The following ARHGAP12 variants were observed in gnomAD, a reference collection of about 807,000 sequenced individuals.
ARHGAP12 encodes the protein Rho GTPase activating protein 12, also known as rho GTPase-activating protein 12.
A neutral mutation model predicts 108.6 loss-of-function variants in ARHGAP12; 64 were observed. The observed-to-expected ratio is 0.59, with a 90% confidence interval of 0.48 to 0.73. The LOEUF (loss-of-function observed/expected upper bound fraction) is 0.73. Among genes scored for constraint, ARHGAP12 ranks in the 30% least tolerant of loss-of-function variants. The pLI is 0.00. For missense variants in ARHGAP12, 940 were observed against 1,005.9 expected (o/e 0.93, Z 0.89); for synonymous variants, 312 against 337.2 (o/e 0.93, Z 0.82).
intron 13 of ARHGAP12, among the ~76,000 whole-genome samples, chr10:31,817,557 T>C (rs1162236721): frequency 6.6e-6 from 1 of 152,218 alleles, no homozygotes; most frequent in Non-Finnish European, 1.5e-5. Context: ...CAATGCCTGA[T>C]GTGAACATTA....
At chr10:31,833,931 A>T (rs1352526181) in intron 9 of ARHGAP12, among the ~76,000 whole-genome samples, 1 of 152,218 alleles carries the variant, frequency 6.6e-6, no homozygotes, top group Non-Finnish European at 1.5e-5. Flanking sequence ...GCACTAAGAA[A>T]GGGTAGCATG....
chr10:31,867,121 T>TC lies in ARHGAP12; in HGVS notation c.685-5464_685-5463insG, dbSNP rs1423128925. On this transcript the variant is annotated intron_variant, in intron 3 of 19. Transcript: ENST00000344936. ...AGAACCTTGTTTTCTTTTTTTTGTT[T>TC]TTTTTTTTTTTGAGACGGAGTCTTG... is the stretch of plus-strand genomic sequence containing the variant. Among the ~76,000 whole-genome samples the TC allele has an allele frequency of 2.0e-5, 3 of 151,050 alleles. 1 individual carries two copies.
intron 4 of ARHGAP12, among the ~76,000 whole-genome samples, chr10:31,857,239 T>A (rs1836922333): frequency 1.3e-5 from 2 of 152,246 alleles, no homozygotes; most frequent in Non-Finnish European, 2.9e-5. Context: ...GCATATAATG[T>A]TCACTTTACT....
Position 31,861,481 on chromosome 10 carries a change from T to A in ARHGAP12, c.862A>T (p.Thr288Ser). 1 of 1,614,178 alleles carries A rather than the reference T, an allele frequency of 6.2e-7. No individual in the cohort carries two copies. Among genetic ancestry groups the A allele is most frequent in the South Asian group, 1.1e-5 (1 of 91,076 alleles). The change falls in exon 4 of 20, where the codon ACA becomes TCA. Residue 288 changes from threonine to serine, a missense_variant. By Grantham distance (58) the Thr-to-Ser change is moderately conservative. Transcript: ENST00000344936. ...GGAGGTTTCCAAGTTCTTTCCTGTG[T>A]CCCTCTGTTATAGTAATAGCAACGC... ...SGRCYYYNRG[T>S]QERTWKPPRW... is the part of the protein sequence containing the mutation.
In ARHGAP12 at chr10:31,806,251, G is replaced by A. The variant is rs972786996; in HGVS notation, c.*1407C>T. 1 of 152,236 alleles carries A rather than the reference G, an allele frequency of 6.6e-6. No individual in the cohort carries two copies. The highest frequency in any genetic ancestry group is 6.5e-5 in the Admixed American group (1 of 15,268). The allele number at this position is 152,236 out of a possible 1,614,324, so 9.4% of individuals were successfully genotyped here. On this transcript the variant is annotated 3_prime_UTR_variant, in exon 20 of 20. Coordinates refer to ENST00000344936, the MANE Select transcript of ARHGAP12 (RefSeq NM_018287.7). ...AAAAATGAGGTATAACAGTATGCCA[G>A]TAAATGAAAAAACAAAAAAATTAGA...
chr10:31,916,412 G>A (rs1021446423), intron 1 of ARHGAP12, among the ~76,000 whole-genome samples: 6 of 151,536 alleles, frequency 4.0e-5, no homozygotes, highest in Non-Finnish European at 5.9e-5. Context: ...TTCCTATCAC[G>A]CTATTTTTTA....
intron 3 of ARHGAP12, among the ~76,000 whole-genome samples, chr10:31,902,329 CAAAA>C (rs1337648963): frequency 5.1e-5 from 5 of 97,480 alleles, no homozygotes. Context: ...TATCCATAGG[CAAAA>C]AAAAAAAAAA....
At chr10:31,928,059 G>A (rs1840124572) in intron 1 of ARHGAP12, among the ~76,000 whole-genome samples, 1 of 152,212 alleles carries the variant, frequency 6.6e-6, no homozygotes, top group Non-Finnish European at 1.5e-5. Flanking sequence ...CAGTCCTCGA[G>A]GGACGCCCCA....
intron 10 of ARHGAP12, among the ~76,000 whole-genome samples, chr10:31,827,212 C>T (rs1377456896): frequency 6.6e-6 from 1 of 152,306 alleles, no homozygotes; most frequent in Non-Finnish European, 1.5e-5. Flanking sequence ...TTCCCCTCAA[C>T]TTCTCCCTTA....
intron 7 of ARHGAP12, among the ~76,000 whole-genome samples, chr10:31,840,909 A>C (rs1369233857): frequency 6.6e-6 from 1 of 152,058 alleles, no homozygotes; most frequent in Non-Finnish European, 1.5e-5. Flanking sequence ...AATTTAACTT[A>C]AGATCCAAAT....
At chr10:31,891,578 G>A (rs80315811) in intron 3 of ARHGAP12, among the ~76,000 whole-genome samples, 1 of 151,060 alleles carries the variant, frequency 6.6e-6, no homozygotes, top group African/African-American at 2.4e-5. Flanking sequence ...CTCTTCTCGA[G>A]GAGTATCTCT....
intron 11 of ARHGAP12, among the ~76,000 whole-genome samples, chr10:31,825,389 G>A (rs570090299): frequency 3.3e-5 from 5 of 152,188 alleles, no homozygotes; most frequent in Admixed American, 3.3e-4. Flanking sequence ...AGAATATGAG[G>A]TAGACCAAAT....
chr10:31,908,821 G>T lies in ARHGAP12; in HGVS notation c.35C>A (p.Pro12Gln). The change falls in exon 3 of 20, where the codon CCA (proline) becomes CAA (glutamine). Residue 12 changes from proline to glutamine, a missense_variant. Physicochemically the swap from Pro to Gln is moderately conservative, Grantham distance 76 (BLOSUM62 -1). Transcript: ENST00000344936. ...TTCCACCTCAATATACACTTGTCCTGGAATAATCTTCCCACTTCTGTCAGC... is the reference window on the plus strand; with the variant it reads ...TTCCACCTCAATATACACTTGTCCTTGAATAATCTTCCCACTTCTGTCAGC... ...KMADRSGKII[P>Q]GQVYIEVEYD... 1 of 1,600,318 alleles carries T rather than the reference G, an allele frequency of 6.2e-7. No individual in the cohort carries two copies. The highest frequency in any genetic ancestry group is 8.5e-7 in the Non-Finnish European group (1 of 1,177,188).
At chr10:31,893,422 C>T (rs1406758221) in intron 3 of ARHGAP12, among the ~76,000 whole-genome samples, 11 of 151,978 alleles carry the variant, frequency 7.2e-5, no homozygotes, top group Non-Finnish European at 1.2e-4. Flanking sequence ...ATATCACCAC[C>T]GATCCCACAG....
chr10:31,924,059 G>A (rs1380046651), intron 1 of ARHGAP12, among the ~76,000 whole-genome samples: 3 of 152,170 alleles, frequency 2.0e-5, no homozygotes, highest in Non-Finnish European at 2.9e-5. Context: ...AGAATGTTTT[G>A]TATGGTAAAG....
intron 13 of ARHGAP12, among the ~76,000 whole-genome samples, chr10:31,815,627 A>G (rs1835176068): frequency 6.6e-6 from 1 of 152,222 alleles, no homozygotes; most frequent in Non-Finnish European, 1.5e-5. Flanking sequence ...ATTTTAAATG[A>G]GATTCAAAAA....
chr10:31,828,263 T>G (rs1835697449), intron 10 of ARHGAP12, among the ~76,000 whole-genome samples: 1 of 152,156 alleles, frequency 6.6e-6, no homozygotes. Context: ...GTGTTTCTTT[T>G]ACATATAGAA....
intron 3 of ARHGAP12, among the ~76,000 whole-genome samples, chr10:31,865,633 T>C (rs1286295050): frequency 6.6e-6 from 1 of 152,038 alleles, no homozygotes; most frequent in African/African-American, 2.4e-5. Context: ...CCCAGCACTT[T>C]GGGAGGCTGA....
chr10:31,922,234 A>C (rs905550283), intron 1 of ARHGAP12, among the ~76,000 whole-genome samples: 2 of 149,922 alleles, frequency 1.3e-5, no homozygotes, highest in Non-Finnish European at 3.0e-5. Flanking sequence ...GATCAGTAAA[A>C]CTGACAATCC....
Sources: gnomAD v4.1 joint callset for allele counts (sites outside exome capture counted in the v4.1 genomes callset) on GRCh38, gnomAD v4.1.1 for gene constraint, MANE v1.5 for transcripts, NCBI Gene and HGNC (gene_info 2026-07-23, HGNC 2026-07-21) for gene names.